HEMK2: variants seen among roughly 807,000 people sequenced by gnomAD.
HEMK2 encodes the protein HemK methyltransferase 2, ETF1 glutamine and histone H4 lysine.
chr21:28,822,861 G>T, the HEMK2 span, among the ~76,000 whole-genome samples: 1 of 151,804 alleles, frequency 6.6e-6, no homozygotes, highest in African/African-American at 2.4e-5. Context: ...AGATATTAAC[G>T]TCCATTACTC....
At chr21:28,850,771 T>C in the HEMK2 span, among the ~76,000 whole-genome samples, 1 of 152,078 alleles carries the variant, frequency 6.6e-6, no homozygotes, top group Non-Finnish European at 1.5e-5. Context: ...ACTAATAGGA[T>C]AGATGTGCAT....
At chr21:28,593,260 T>C in the HEMK2 span, among the ~76,000 whole-genome samples, 3 of 152,290 alleles carry the variant, frequency 2.0e-5, no homozygotes, top group African/African-American at 7.2e-5. Flanking sequence ...CATATAAACA[T>C]AAATAAATTT....
the HEMK2 span, among the ~76,000 whole-genome samples, chr21:28,597,031 A>G: frequency 3.9e-5 from 6 of 152,114 alleles, no homozygotes; most frequent in Non-Finnish European, 1.5e-5. Flanking sequence ...TTTGATTCCT[A>G]CTCTTTCAGT....
the HEMK2 span, among the ~76,000 whole-genome samples, chr21:28,629,209 G>A: frequency 6.6e-6 from 1 of 152,184 alleles, no homozygotes; most frequent in African/African-American, 2.4e-5. Context: ...GATGCATTTA[G>A]TGTGCTTGGA....
the HEMK2 span, among the ~76,000 whole-genome samples, chr21:28,678,939 C>T: frequency 1.3e-5 from 2 of 152,188 alleles, no homozygotes; most frequent in African/African-American, 4.8e-5. Context: ...ACTGCAAAAA[C>T]ATGCCAAATT....
At chr21:28,854,529 T>C in the HEMK2 span, among the ~76,000 whole-genome samples, 10 of 151,512 alleles carry the variant, frequency 6.6e-5, no homozygotes, top group Non-Finnish European at 1.3e-4. Context: ...GAGATAGAGA[T>C]AGAGATATAT....
At chr21:28,681,395 T>A in the HEMK2 span, among the ~76,000 whole-genome samples, 1 of 151,798 alleles carries the variant, frequency 6.6e-6, no homozygotes, top group African/African-American at 2.4e-5. Flanking sequence ...CTCAATGAAA[T>A]AAAAGAGGAT....
chr21:28,625,161 TA>T, the HEMK2 span, among the ~76,000 whole-genome samples: 1 of 152,152 alleles, frequency 6.6e-6, no homozygotes, highest in African/African-American at 2.4e-5. Flanking sequence ...TAGAAAATGA[TA>T]AAAGGAGAGA....
the HEMK2 span, among the ~76,000 whole-genome samples, chr21:28,717,425 T>C: frequency 6.6e-6 from 1 of 152,016 alleles, no homozygotes; most frequent in East Asian, 1.9e-4. Flanking sequence ...GTGTTCATAA[T>C]AGTCTCTGAG....
At chr21:28,602,845 G>A in the HEMK2 span, among the ~76,000 whole-genome samples, 1 of 152,222 alleles carries the variant, frequency 6.6e-6, no homozygotes, top group Non-Finnish European at 1.5e-5. Flanking sequence ...TTCATGCAGT[G>A]CATCTGAGCA....
the HEMK2 span, among the ~76,000 whole-genome samples, chr21:28,817,489 G>A: frequency 6.6e-6 from 1 of 152,154 alleles, no homozygotes; most frequent in Admixed American, 6.5e-5. Context: ...TAGGTGTAGG[G>A]TTGGGCAAAG....
chr21:28,801,385 C>CT, the HEMK2 span, among the ~76,000 whole-genome samples: 16 of 151,962 alleles, frequency 1.1e-4, no homozygotes, highest in Admixed American at 3.3e-4. Flanking sequence ...TATAAACATT[C>CT]TTTTTTTAAA....
At chr21:28,627,621 C>T in the HEMK2 span, among the ~76,000 whole-genome samples, 79 of 152,238 alleles carry the variant, frequency 5.2e-4, no homozygotes, top group African/African-American at 1.9e-3. Context: ...TATTCATGTA[C>T]CTTATATGTA....
the HEMK2 span, among the ~76,000 whole-genome samples, chr21:28,767,931 T>C: frequency 6.6e-6 from 1 of 152,024 alleles, no homozygotes; most frequent in Non-Finnish European, 1.5e-5. Context: ...CTTTAGCTTT[T>C]CTATGTGCCC....
chr21:28,745,297 T>G, the HEMK2 span, among the ~76,000 whole-genome samples: 7 of 152,220 alleles, frequency 4.6e-5, no homozygotes, highest in Non-Finnish European at 1.0e-4. Context: ...TGAAAATCGT[T>G]AACGATATTT....
At chr21:28,729,211 C>A in the HEMK2 span, among the ~76,000 whole-genome samples, 173 of 152,258 alleles carry the variant, frequency 1.1e-3, 1 homozygote, top group African/African-American at 3.9e-3. Context: ...CTTCAAGTAA[C>A]CTCCAAATTT....
chr21:28,853,729 A>G, the HEMK2 span, among the ~76,000 whole-genome samples: 1 of 152,234 alleles, frequency 6.6e-6, no homozygotes, highest in Non-Finnish European at 1.5e-5. Flanking sequence ...GGCTGAGAGC[A>G]GCATGGGTTG....
At chr21:28,828,536 T>A in the HEMK2 span, among the ~76,000 whole-genome samples, 5 of 152,166 alleles carry the variant, frequency 3.3e-5, no homozygotes, top group Non-Finnish European at 5.9e-5. Context: ...TGAAGCAGCC[T>A]TCAGTTTTTT....
chr21:28,870,477 C>T, the HEMK2 span, among the ~76,000 whole-genome samples: 1 of 152,158 alleles, frequency 6.6e-6, no homozygotes, highest in African/African-American at 2.4e-5. Flanking sequence ...TCTCAGCTCA[C>T]TGCCATATCC....
Sources: gnomAD v4.1 joint callset for allele counts (sites outside exome capture counted in the v4.1 genomes callset) on GRCh38, gnomAD v4.1.1 for gene constraint, MANE v1.5 for transcripts, NCBI Gene and HGNC (gene_info 2026-07-23, HGNC 2026-07-21) for gene names.